BRIP1: variants seen among roughly 807,000 people sequenced by gnomAD.
BRIP1 encodes BRCA1 interacting DNA helicase 1, also known as Fanconi anemia group J protein.
BRIP1 carries 88 observed loss-of-function variants against 119.7 expected under a neutral mutation model. The observed-to-expected ratio is 0.74, with a 90% confidence interval of 0.62 to 0.88. The LOEUF (loss-of-function observed/expected upper bound fraction) is 0.88. BRIP1 is among the 40% of genes least tolerant of loss of function. The pLI, the probability that BRIP1 is intolerant of heterozygous loss-of-function variation, is 0.00. For missense variants in BRIP1, 1,259 were observed against 1,455.4 expected, an observed-to-expected ratio of 0.87 and a Z score of 2.20; for synonymous variants, 443 against 496.5, an observed-to-expected ratio of 0.89 and a Z score of 1.43.
In BRIP1 at chr17:61,795,114, G is replaced by A. The variant is rs765079900; in HGVS notation, c.1341-1385C>T. Reference sequence around the variant, plus strand: ...GCTTGGGTTTTAATTTTTAATTTTCGTGGGTACATAGTAGGTGTATATATT... The same window carrying A: ...GCTTGGGTTTTAATTTTTAATTTTCATGGGTACATAGTAGGTGTATATATT... On this transcript the variant is annotated intron_variant, in intron 9 of 19. Transcript: ENST00000259008. The surrounding 1 kb of genome is among the most constrained non-coding windows in gnomAD (Gnocchi z 5.6). Among the ~76,000 whole-genome samples the A allele has an allele frequency of 2.6e-5, 4 of 151,978 alleles. No homozygotes were observed. The highest frequency in any genetic ancestry group is 5.9e-5 in the Non-Finnish European group (4 of 67,942).
Position 61,683,939 on chromosome 17 carries a change from A to G in BRIP1, c.3107T>C (p.Phe1036Ser). ...TTTACTTTCCATCTTCTCTGTTTTG[A>G]AACGGGGAGGACTAGAGGCACTATT... Reference protein sequence around the residue: ...SENSASSPPRFKTEKMESKTV... With the variant: ...SENSASSPPRSKTEKMESKTV... Residue 1036 changes from phenylalanine (F) to serine (S), a missense_variant, in exon 20 of 20, where the codon TTC becomes TCC. Physicochemically the swap from Phe to Ser is radical, Grantham distance 155. Transcript: ENST00000259008. This position sits in a 1 kb window ranked among gnomAD's most constrained non-coding sequence, Gnocchi z 4.7. 6.2e-7 allele frequency: 1 copy of G among 1,614,188 alleles called. No individual in the cohort carries two copies.
intron 14 of BRIP1, among the ~76,000 whole-genome samples, chr17:61,771,390 G>A (rs1431982821): frequency 6.6e-6 from 1 of 152,180 alleles, no homozygotes; most frequent in Admixed American, 6.5e-5. Flanking sequence ...ATGCAAAAAT[G>A]CGCAAAGAAT....
At position 61,837,693 on chromosome 17, in the gene BRIP1, T is replaced by A. The variant is rs142668236; in HGVS notation, c.627+9408A>T. Among the ~76,000 whole-genome samples the A allele has an allele frequency of 5.5e-3, 844 of 152,226 alleles. 3 individuals carry two copies. The highest frequency in any genetic ancestry group is 0.014 in the Middle Eastern group (4 of 294). Reference sequence around the variant, plus strand: ...ACAAAGTAATATCAAAACGTTAACATACTATTCTAAAAAACAATGTTTTTC... The same window carrying A: ...ACAAAGTAATATCAAAACGTTAACAAACTATTCTAAAAAACAATGTTTTTC... On this transcript the variant is annotated intron_variant, in intron 6 of 19. Coordinates refer to ENST00000259008, the MANE Select transcript of BRIP1 (RefSeq NM_032043.3).
rs2077061900 is a variant in BRIP1 at position 61,746,646 on chromosome 17, C to CT, written c.2098-2056dup. 6.6e-6 allele frequency among the ~76,000 whole-genome samples: 1 copy of CT among 151,920 alleles called. No homozygotes were observed. Among genetic ancestry groups the CT allele is most frequent in the African/African-American group, 2.4e-5 (1 of 41,396 alleles). The stretch of plus-strand genomic sequence containing the variant: ...TCAATTCACTGGGAATATTTAACAA[C>CT]TATAAATATACACACAACCAACATC... On this transcript the variant is annotated intron_variant, in intron 14 of 19. Transcript: ENST00000259008. The surrounding 1 kb of genome is among the most constrained non-coding windows in gnomAD (Gnocchi z 4.9).
At chr17:61,732,558 T>C (rs115122513) in intron 16 of BRIP1, among the ~76,000 whole-genome samples, 194 of 152,316 alleles carry the variant, frequency 1.3e-3, no homozygotes, top group African/African-American at 4.5e-3. Context: ...TGTTCTTCCA[T>C]AAATTATTGA....
intron 6 of BRIP1, among the ~76,000 whole-genome samples, chr17:61,819,273 G>A (rs896408917): frequency 4.6e-5 from 7 of 151,524 alleles, no homozygotes; most frequent in Non-Finnish European, 7.4e-5. Flanking sequence ...CTCATACACC[G>A]TTGGTGGGAA....
rs1479864944 is a variant in BRIP1, at chr17:61,842,734, A to G, written c.627+4367T>C. On this transcript the variant is annotated intron_variant, in intron 6 of 19. Coordinates refer to ENST00000259008, the MANE Select transcript of BRIP1 (RefSeq NM_032043.3). The surrounding 1 kb of genome is among the most constrained non-coding windows in gnomAD (Gnocchi z 5.1). ...TGTTACTACTACTACAGCTGCTGCT[A>G]CTTCTACTACCACTTGGCGCTTAAA... Among the ~76,000 whole-genome samples the G allele has an allele frequency of 6.6e-6, 1 of 152,200 alleles. No homozygotes were observed. The highest frequency in any genetic ancestry group is 1.9e-4 in the East Asian group (1 of 5,202).
intron 13 of BRIP1, among the ~76,000 whole-genome samples, chr17:61,777,744 G>A (rs2077556752): frequency 6.6e-6 from 1 of 151,914 alleles, no homozygotes; most frequent in South Asian, 2.1e-4. Context: ...ACCTCCAAGT[G>A]TTCAGCTATC....
chr17:61,721,267 CTTTTTT>C (rs11326516), intron 16 of BRIP1, among the ~76,000 whole-genome samples: 1 of 114,186 alleles, frequency 8.8e-6, no homozygotes, highest in Non-Finnish European at 1.7e-5. Flanking sequence ...AAAATCTAAG[CTTTTTT>C]TTTTTTTTTT....
In BRIP1 at chr17:61,860,651, C is replaced by T. The variant is rs748767062; in HGVS notation, c.94-744G>A. Among the ~76,000 whole-genome samples the T allele has an allele frequency of 3.3e-5, 5 of 152,134 alleles. No homozygotes were observed. The highest frequency in any genetic ancestry group is 1.3e-4 in the Admixed American group (2 of 15,276). On this transcript the variant is annotated intron_variant, in intron 2 of 19. Coordinates refer to ENST00000259008, the MANE Select transcript of BRIP1 (RefSeq NM_032043.3). The surrounding 1 kb of genome is among the most constrained non-coding windows in gnomAD (Gnocchi z 4.1). Reference sequence around the variant, plus strand: ...CTCCAATCTGGGCGACAGAGTGAGACGCTGTCTCAAAAACAAAAAGAAAAA... The same window carrying T: ...CTCCAATCTGGGCGACAGAGTGAGATGCTGTCTCAAAAACAAAAAGAAAAA...
At chr17:61,765,394 TATATATATATATATATATATATATATA>T (rs1567798807) in intron 14 of BRIP1, among the ~76,000 whole-genome samples, 11 of 15,886 alleles carry the variant, frequency 6.9e-4, no homozygotes, top group Non-Finnish European at 1.5e-3. Context: ...TATATATATA[TATATATATATATATATATATATATATA>T]TATTTTTTTT....
intron 17 of BRIP1, among the ~76,000 whole-genome samples, chr17:61,694,967 A>T (rs1474986237): frequency 6.7e-6 from 1 of 149,720 alleles, no homozygotes; most frequent in Non-Finnish European, 1.5e-5. Flanking sequence ...TCCATATGTG[A>T]GTTGTCTTTT....
intron 4 of BRIP1, among the ~76,000 whole-genome samples, chr17:61,849,738 A>G (rs1252430113): frequency 6.6e-6 from 1 of 152,166 alleles, no homozygotes; most frequent in East Asian, 1.9e-4. Flanking sequence ...TTAATCACCA[A>G]ATAACATTAA....
In BRIP1 at chr17:61,752,022, C is replaced by T. The variant is rs1302656812; in HGVS notation, c.2098-7431G>A. ...GACCTCAGGTGATCCACCCCTCAGC[C>T]TCCCAAAGTGCCGGGATCACAGGCA... On this transcript the variant is annotated intron_variant, in intron 14 of 19. Transcript: ENST00000259008. This position sits in a 1 kb window ranked among gnomAD's most constrained non-coding sequence, Gnocchi z 6.2. Among the ~76,000 whole-genome samples, 1 of 152,116 alleles carries T rather than the reference C, an allele frequency of 6.6e-6. No homozygotes were observed. Among genetic ancestry groups the T allele is most frequent in the Non-Finnish European group, 1.5e-5 (1 of 68,024 alleles).
At chr17:61,771,752 G>A (rs1399085943) in intron 14 of BRIP1, among the ~76,000 whole-genome samples, 1 of 152,254 alleles carries the variant, frequency 6.6e-6, no homozygotes, top group Admixed American at 6.5e-5. Flanking sequence ...CTGAGGTCAG[G>A]AGTTCAAGAC....
chr17:61,829,335 T>C (rs190840289), intron 6 of BRIP1, among the ~76,000 whole-genome samples: 118 of 152,252 alleles, frequency 7.8e-4, no homozygotes, highest in African/African-American at 2.2e-3. Context: ...AGACATTTCA[T>C]AATGACAGAT....
chr17:61,847,937 T>C (rs1038677396), intron 5 of BRIP1, among the ~76,000 whole-genome samples: 1 of 152,210 alleles, frequency 6.6e-6, no homozygotes, highest in African/African-American at 2.4e-5. Context: ...AATCTATGAA[T>C]ACATTTTGTC....
Position 61,794,794 on chromosome 17 carries a change from T to C in BRIP1, c.1341-1065A>G, listed in dbSNP as rs2077874331. ...AACCTAGTTGCAACTTTAATTTTAATGTCAAGAATGCTCTCCCTGAGGTGA... is the reference window on the plus strand; with the variant it reads ...AACCTAGTTGCAACTTTAATTTTAACGTCAAGAATGCTCTCCCTGAGGTGA... On this transcript the variant is annotated intron_variant, in intron 9 of 19. Transcript: ENST00000259008. This position sits in a 1 kb window ranked among gnomAD's most constrained non-coding sequence, Gnocchi z 4.3. Among the ~76,000 whole-genome samples the C allele has an allele frequency of 6.6e-6, 1 of 151,910 alleles. No homozygotes were observed. Among genetic ancestry groups the C allele is most frequent in the South Asian group, 2.1e-4 (1 of 4,816 alleles).
intron 6 of BRIP1, among the ~76,000 whole-genome samples, chr17:61,837,664 T>C (rs972294479): frequency 5.9e-5 from 9 of 152,102 alleles, no homozygotes; most frequent in Non-Finnish European, 1.2e-4. Flanking sequence ...TTATGAATGA[T>C]AGAACAAAGT....
Sources: allele counts gnomAD v4.1 joint callset (sites outside exome capture counted in the v4.1 genomes callset), GRCh38; gene constraint gnomAD v4.1.1; non-coding constraint Gnocchi (gnomAD v3.1); transcripts MANE v1.5; gene names NCBI Gene and HGNC (gene_info 2026-07-23, HGNC 2026-07-21).